Variants in MYO1D observed in about 807,000 individuals in gnomAD.
The protein encoded by MYO1D is unconventional myosin-Id.
Under a neutral mutation model 122.0 loss-of-function variants are expected in MYO1D, and 83 were observed. That is an observed-to-expected ratio of 0.68 (90% CI 0.57 to 0.82). MYO1D has a LOEUF of 0.82. MYO1D is among the 40% of genes least tolerant of loss of function. The pLI, the probability that MYO1D is intolerant of heterozygous loss-of-function variation, is 0.00. For missense variants in MYO1D, 1,157 were observed against 1,269.5 expected (o/e 0.91, Z 1.35); for synonymous variants, 464 against 446.9 (o/e 1.04, Z -0.48).
At chr17:32,589,838 A>G (rs1311475712) in intron 21 of MYO1D, among the ~76,000 whole-genome samples, 1 of 152,216 alleles carries the variant, frequency 6.6e-6, no homozygotes, top group East Asian at 1.9e-4. Context: ...ATTTTGTTAT[A>G]GTTTTTACTC....
At chr17:32,596,670 T>C (rs988632720) in intron 21 of MYO1D, among the ~76,000 whole-genome samples, 1 of 152,240 alleles carries the variant, frequency 6.6e-6, no homozygotes, top group Non-Finnish European at 1.5e-5. Flanking sequence ...GCAGATGGCA[T>C]TGATTTCTGG....
intron 13 of MYO1D, among the ~76,000 whole-genome samples, chr17:32,739,978 C>T (rs1598054800): frequency 6.6e-6 from 1 of 152,176 alleles, no homozygotes; most frequent in Admixed American, 6.5e-5. Context: ...GCTGCAATAA[C>T]CTGTGGCTTA....
intron 6 of MYO1D, among the ~76,000 whole-genome samples, chr17:32,770,232 C>A (rs1458626457): frequency 2.0e-5 from 3 of 152,090 alleles, no homozygotes; most frequent in Non-Finnish European, 1.5e-5. Flanking sequence ...GTATAATTAG[C>A]TTATTTTGAT....
chr17:32,498,435 C>T (rs1909200433), intron 21 of MYO1D: 1 of 152,268 alleles, frequency 6.6e-6, no homozygotes, highest in Non-Finnish European at 1.5e-5. Flanking sequence ...GCTTCATGAC[C>T]TTGTTCAAGT....
At chr17:32,748,422 G>A (rs967404169) in intron 12 of MYO1D, among the ~76,000 whole-genome samples, 1 of 151,596 alleles carries the variant, frequency 6.6e-6, no homozygotes, top group African/African-American at 2.4e-5. Flanking sequence ...TTACTTTTAG[G>A]ACTCAATTTG....
At chr17:32,627,129 G>C (rs1435634783) in intron 20 of MYO1D, among the ~76,000 whole-genome samples, 1 of 152,252 alleles carries the variant, frequency 6.6e-6, no homozygotes, top group East Asian at 1.9e-4. Context: ...CAGGACTACT[G>C]AGAATTAATT....
intron 5 of MYO1D, among the ~76,000 whole-genome samples, chr17:32,771,727 T>C (rs866465983): frequency 1.8e-4 from 27 of 152,338 alleles, no homozygotes; most frequent in Middle Eastern, 3.4e-3. Flanking sequence ...ACCATGATTG[T>C]AGTATTGGAT....
chr17:32,635,704 G>T (rs1248270975), intron 20 of MYO1D, among the ~76,000 whole-genome samples: 5 of 152,036 alleles, frequency 3.3e-5, no homozygotes, highest in Non-Finnish European at 5.9e-5. Flanking sequence ...GGTGGCGGGG[G>T]GGTGGAAAGA....
intron 21 of MYO1D, among the ~76,000 whole-genome samples, chr17:32,598,397 G>GT (rs2087523460): frequency 6.6e-6 from 1 of 152,126 alleles, no homozygotes; most frequent in Admixed American, 6.5e-5. Context: ...AAAGAAACCT[G>GT]TTTGACTTCA....
chr17:32,778,346 G>A (rs969049679), intron 3 of MYO1D, 134 bp downstream of exon 3: 4 of 636,066 alleles, frequency 6.3e-6, no homozygotes, highest in Non-Finnish European at 1.1e-5. Context: ...AATCAAAGTA[G>A]CTTAATCATC....
At chr17:32,665,755 G>A (rs922145979) in intron 16 of MYO1D, among the ~76,000 whole-genome samples, 4 of 152,194 alleles carry the variant, frequency 2.6e-5, no homozygotes, top group South Asian at 2.1e-4. Context: ...TCACTGAAGG[G>A]TGAACAGCCC....
chr17:32,524,162 T>A (rs374937463), intron 21 of MYO1D, among the ~76,000 whole-genome samples: 3 of 152,222 alleles, frequency 2.0e-5, no homozygotes, highest in East Asian at 3.8e-4. Context: ...GGAAAGCATA[T>A]CTGTTTTCTC....
At chr17:32,508,793 C>A (rs929782024) in intron 21 of MYO1D, among the ~76,000 whole-genome samples, 4 of 152,188 alleles carry the variant, frequency 2.6e-5, no homozygotes, top group African/African-American at 9.7e-5. Flanking sequence ...CCAGGCAATC[C>A]AGGCCATAGT....
intron 20 of MYO1D, 82 bp downstream of exon 20, chr17:32,638,640 A>G: frequency 1.2e-6 from 1 of 853,992 alleles, no homozygotes; most frequent in Non-Finnish European, 1.9e-6. Context: ...CAAAGATTCT[A>G]GAACTCAGTC....
intron 16 of MYO1D, among the ~76,000 whole-genome samples, chr17:32,662,394 G>T (rs186691196): frequency 6.6e-6 from 1 of 152,132 alleles, no homozygotes; most frequent in Non-Finnish European, 1.5e-5. Context: ...GCTGCGCAGC[G>T]GGACGCGGTG....
intron 1 of MYO1D, among the ~76,000 whole-genome samples, chr17:32,806,730 G>A (rs541991905): frequency 6.6e-6 from 1 of 152,244 alleles, no homozygotes; most frequent in East Asian, 1.9e-4. Context: ...TTCCGAGTAA[G>A]GATTATGTCA....
intron 12 of MYO1D, among the ~76,000 whole-genome samples, chr17:32,748,367 T>C (rs1244857327): frequency 6.6e-6 from 1 of 152,062 alleles, no homozygotes; most frequent in Non-Finnish European, 1.5e-5. Context: ...AAGCTTTCTC[T>C]TTTCTCTCCC....
chr17:32,506,764 T>C (rs1909515240), intron 21 of MYO1D, among the ~76,000 whole-genome samples: 1 of 152,226 alleles, frequency 6.6e-6, no homozygotes, highest in Non-Finnish European at 1.5e-5. Context: ...GTAGGGAATA[T>C]GATACATAAA....
At chr17:32,674,644 T>C (rs2088778530) in intron 16 of MYO1D, among the ~76,000 whole-genome samples, 1 of 152,218 alleles carries the variant, frequency 6.6e-6, no homozygotes, top group Non-Finnish European at 1.5e-5. Context: ...CTTTAAGTCA[T>C]ATATAATATT....
Sources: allele counts gnomAD v4.1 joint callset (sites outside exome capture counted in the v4.1 genomes callset), GRCh38; gene constraint gnomAD v4.1.1; transcripts MANE v1.5; gene names NCBI Gene and HGNC (gene_info 2026-07-23, HGNC 2026-07-21).